Variants in IL1RAPL2 observed in about 807,000 individuals in gnomAD.
IL1RAPL2 encodes X-linked interleukin-1 receptor accessory protein-like 2.
A neutral mutation model predicts 44.1 loss-of-function variants in IL1RAPL2; 3 were observed. The ratio of observed to expected loss-of-function variants is 0.07; its 90% confidence interval spans 0.03 to 0.18. The LOEUF (loss-of-function observed/expected upper bound fraction) is 0.18. Among genes scored for constraint, IL1RAPL2 ranks in the 10% least tolerant of loss-of-function variants. The pLI, the probability that IL1RAPL2 is intolerant of heterozygous loss-of-function variation, is 1.00. For missense variants in IL1RAPL2, 391 were observed against 496.4 expected (o/e 0.79, Z 2.02); for synonymous variants, 181 against 178.8 (o/e 1.01, Z -0.10).
intron 1 of IL1RAPL2, among the ~76,000 whole-genome samples, chrX:104,609,018 C>T (rs1929084940): frequency 9.0e-6 from 1 of 111,368 alleles, no homozygotes; most frequent in Non-Finnish European, 1.9e-5. Flanking sequence ...TTTAGTGCTT[C>T]CTTCAGGAGC....
intron 6 of IL1RAPL2, among the ~76,000 whole-genome samples, chrX:105,565,800 A>G: frequency 8.9e-6 from 1 of 112,275 alleles, no homozygotes; most frequent in East Asian, 2.8e-4. Flanking sequence ...AATTGGTGCC[A>G]GATTCTCTTT....
At chrX:104,631,524 C>A (rs1337054170) in intron 1 of IL1RAPL2, among the ~76,000 whole-genome samples, 1 of 111,000 alleles carries the variant, frequency 9.0e-6, no homozygotes, top group East Asian at 2.8e-4. Context: ...TTTTAATGAT[C>A]GCCATTCTAA....
At chrX:105,020,443 G>A (rs1204180227) in intron 2 of IL1RAPL2, among the ~76,000 whole-genome samples, 1 of 112,003 alleles carries the variant, frequency 8.9e-6, no homozygotes, top group Non-Finnish European at 1.9e-5. Flanking sequence ...ACAGAATTCT[G>A]GACAGGGTGG....
chrX:105,627,482 G>A lies in IL1RAPL2; in HGVS notation c.773-89885G>A, dbSNP rs752026830. ...TGCTTTCAAACTAGAAAATATAGAT[G>A]GGAGTTTTTAGGAATTGACATTTGA... On this transcript the variant is annotated intron_variant, in intron 6 of 10. Transcript: ENST00000372582. 1.0e-3 allele frequency among the ~76,000 whole-genome samples: 112 copies of A among 111,281 alleles called. 1 individual carries two copies. The highest frequency in any genetic ancestry group is 3.5e-3 in the African/African-American group (108 of 30,645).
chrX:105,330,517 A>G (rs2034977691), intron 5 of IL1RAPL2, among the ~76,000 whole-genome samples: 1 of 111,109 alleles, frequency 9.0e-6, no homozygotes, highest in Admixed American at 9.6e-5. Flanking sequence ...TTTTATATTT[A>G]CCTCTGTTAT....
At chrX:105,530,134 C>T (rs1005280182) in intron 6 of IL1RAPL2, among the ~76,000 whole-genome samples, 1 of 112,105 alleles carries the variant, frequency 8.9e-6, no homozygotes, top group Non-Finnish European at 1.9e-5. Context: ...TTTTGAAGAA[C>T]CACTTAACTG....
chrX:105,702,873 A>C (rs1164044342), intron 6 of IL1RAPL2, among the ~76,000 whole-genome samples: 1 of 112,150 alleles, frequency 8.9e-6, no homozygotes, highest in Admixed American at 9.5e-5. Context: ...GTAAGGATCA[A>C]AGAAGGTTTT....
chrX:105,337,110 C>G (rs1224009258), intron 5 of IL1RAPL2, among the ~76,000 whole-genome samples: 1 of 112,073 alleles, frequency 8.9e-6, no homozygotes, highest in Non-Finnish European at 1.9e-5. Flanking sequence ...AACATATACT[C>G]TCGAGTTCAC....
chrX:105,363,897 G>A (rs970595586), intron 5 of IL1RAPL2, among the ~76,000 whole-genome samples: 1 of 111,076 alleles, frequency 9.0e-6, no homozygotes, highest in Non-Finnish European at 1.9e-5. Context: ...CAATCCATGG[G>A]TTATCACTTC....
chrX:105,003,642 T>C (rs1171290654), intron 2 of IL1RAPL2, among the ~76,000 whole-genome samples: 1 of 111,335 alleles, frequency 9.0e-6, no homozygotes, highest in Non-Finnish European at 1.9e-5. Context: ...AGTCTGTAAC[T>C]GGGCCACTTA....
intron 2 of IL1RAPL2, among the ~76,000 whole-genome samples, chrX:105,024,595 GGGCAAGT>G (rs751121369): frequency 9.0e-6 from 1 of 111,404 alleles, no homozygotes; most frequent in African/African-American, 3.2e-5. Context: ...TTGTTGTTTA[GGGCAAGT>G]GGCAGTCTCT....
chrX:105,272,766 C>T (rs1415945343), intron 5 of IL1RAPL2, among the ~76,000 whole-genome samples: 1 of 112,473 alleles, frequency 8.9e-6, no homozygotes, highest in Non-Finnish European at 1.9e-5. Flanking sequence ...TTAGCAAATG[C>T]TTTTAATTCC....
At chrX:105,234,622 A>G (rs1435601496) in intron 4 of IL1RAPL2, among the ~76,000 whole-genome samples, 1 of 110,350 alleles carries the variant, frequency 9.1e-6, no homozygotes, top group Non-Finnish European at 1.9e-5. Context: ...CAGCCTGGCC[A>G]ATATGGTGAA....
chrX:104,730,154 T>C (rs1011819376), intron 2 of IL1RAPL2, among the ~76,000 whole-genome samples: 5 of 111,222 alleles, frequency 4.5e-5, no homozygotes, highest in Non-Finnish European at 9.4e-5. Context: ...TTGAAAGAAA[T>C]ACTAGGAAAC....
intron 5 of IL1RAPL2, among the ~76,000 whole-genome samples, chrX:105,482,273 G>A (rs182160874): frequency 9.0e-6 from 1 of 111,084 alleles, no homozygotes; most frequent in East Asian, 2.8e-4. Flanking sequence ...TGATATAACT[G>A]GATTTTAAAT....
At chrX:104,664,675 G>A (rs1930459791) in intron 2 of IL1RAPL2, among the ~76,000 whole-genome samples, 1 of 111,479 alleles carries the variant, frequency 9.0e-6, no homozygotes, top group Non-Finnish European at 1.9e-5. Flanking sequence ...GTTGTGCTAG[G>A]GTTACCTTGA....
chrX:104,771,912 A>G (rs1422778171), intron 2 of IL1RAPL2, among the ~76,000 whole-genome samples: 1 of 112,123 alleles, frequency 8.9e-6, no homozygotes, highest in Non-Finnish European at 1.9e-5. Flanking sequence ...GTACATAATA[A>G]AACACAAAAA....
At chrX:105,081,645 T>C (rs1015883594) in intron 2 of IL1RAPL2, among the ~76,000 whole-genome samples, 1 of 111,862 alleles carries the variant, frequency 8.9e-6, no homozygotes, top group Non-Finnish European at 1.9e-5. Flanking sequence ...TGAGATACAT[T>C]CCATCAATAC....
chrX:104,764,408 T>C (rs1932520047), intron 2 of IL1RAPL2, among the ~76,000 whole-genome samples: 1 of 112,353 alleles, frequency 8.9e-6, no homozygotes, highest in East Asian at 2.8e-4. Flanking sequence ...TGATTTTGTA[T>C]CCTGAAATTT....
Sources: allele counts gnomAD v4.1 joint callset (sites outside exome capture counted in the v4.1 genomes callset), GRCh38; gene constraint gnomAD v4.1.1; transcripts MANE v1.5; gene names NCBI Gene and HGNC (gene_info 2026-07-23, HGNC 2026-07-21).